PRDM16: variants seen among roughly 807,000 people sequenced by gnomAD.
PRDM16 encodes the protein PR/SET domain 16, also known as histone-lysine N-methyltransferase PRDM16.
A neutral mutation model predicts 110.6 loss-of-function variants in PRDM16; 23 were observed. The observed-to-expected ratio is 0.21, with a 90% confidence interval of 0.15 to 0.29. The LOEUF is 0.29. PRDM16 is among the 10% of genes least tolerant of loss of function. The pLI, the probability that PRDM16 is intolerant of heterozygous loss-of-function variation, is 1.00. For missense variants in PRDM16, 1,615 were observed against 1,794.3 expected (o/e 0.90, Z 1.81); for synonymous variants, 799 against 781.8 (o/e 1.02, Z -0.37).
At chr1:3,183,043 T>C (rs10909891) in intron 1 of PRDM16, among the ~76,000 whole-genome samples, 2,139 of 152,336 alleles carry the variant, frequency 0.014, 48 homozygotes, top group African/African-American at 0.049. Flanking sequence ...AAATAAAGGA[T>C]GTCAGGTCTC....
intron 15 of PRDM16, 134 bp downstream of exon 15, chr1:3,431,242 C>T: frequency 7.2e-7 from 1 of 1,388,358 alleles, no homozygotes; most frequent in Non-Finnish European, 9.6e-7. Context: ...CACCTCAGGG[C>T]CTCCACACAC....
rs930420162 is a variant in PRDM16, at chr1:3,201,868, C to A, written c.387+15394C>A. ...AGAGCCTGCGGCTTCCCAGATCCCACATGAGCTTAGGCGCTGACTCCACCT... is the reference window on the plus strand; with the variant it reads ...AGAGCCTGCGGCTTCCCAGATCCCAAATGAGCTTAGGCGCTGACTCCACCT... On this transcript the variant is annotated intron_variant, in intron 2 of 16. Transcript: ENST00000270722. The surrounding 1 kb of genome is among the most constrained non-coding windows in gnomAD (Gnocchi z 4.1). Among the ~76,000 whole-genome samples, 1 of 152,264 alleles carries A rather than the reference C, an allele frequency of 6.6e-6. No homozygotes were observed. Among genetic ancestry groups the A allele is most frequent in the Non-Finnish European group, 1.5e-5 (1 of 68,048 alleles).
chr1:3,298,387 G>A (rs1264311123), intron 3 of PRDM16, among the ~76,000 whole-genome samples: 14 of 152,358 alleles, frequency 9.2e-5, no homozygotes, highest in African/African-American at 2.6e-4. Context: ...GGAGGGAAGC[G>A]CTGCAGGGCT....
intron 3 of PRDM16, among the ~76,000 whole-genome samples, chr1:3,365,943 CGCACACGCAT>C (rs1339254818): frequency 1.1e-5 from 1 of 91,738 alleles, no homozygotes; most frequent in African/African-American, 6.8e-5. Flanking sequence ...TGCACACAAA[CGCACACGCAT>C]GCACACATGC....
At chr1:3,182,271 G>A (rs530186947) in intron 1 of PRDM16, among the ~76,000 whole-genome samples, 4 of 152,346 alleles carry the variant, frequency 2.6e-5, no homozygotes, top group East Asian at 1.9e-4. Context: ...ACACAGAGCC[G>A]CTCGGCGCTC....
intron 3 of PRDM16, among the ~76,000 whole-genome samples, chr1:3,261,907 A>G (rs989183942): frequency 6.6e-6 from 1 of 152,204 alleles, no homozygotes; most frequent in Admixed American, 6.5e-5. Context: ...ATGAGGCAAT[A>G]GGAAGAGAAA....
intron 1 of PRDM16, among the ~76,000 whole-genome samples, chr1:3,150,902 G>C (rs181729657): frequency 0.041 from 4,879 of 118,388 alleles, 177 homozygotes; most frequent in East Asian, 0.17. Flanking sequence ...ATGGAAACGG[G>C]GGGGCTGGTC....
At chr1:3,398,209 T>C (rs965397760) in intron 5 of PRDM16, among the ~76,000 whole-genome samples, 7 of 152,210 alleles carry the variant, frequency 4.6e-5, no homozygotes, top group African/African-American at 1.7e-4. Flanking sequence ...GAAATTTCTT[T>C]CTTCCAAAAG....
chr1:3,098,964 C>T (rs1462500704), intron 1 of PRDM16, among the ~76,000 whole-genome samples: 1 of 152,224 alleles, frequency 6.6e-6, no homozygotes, highest in African/African-American at 2.4e-5. Flanking sequence ...TGAGCGGCCT[C>T]ACTGAGGAGG....
intron 1 of PRDM16, among the ~76,000 whole-genome samples, chr1:3,079,529 C>T (rs979814884): frequency 6.6e-6 from 1 of 152,210 alleles, no homozygotes; most frequent in South Asian, 2.1e-4. Flanking sequence ...AGCAGCAAGC[C>T]GCATGGAGCG....
intron 12 of PRDM16, among the ~76,000 whole-genome samples, chr1:3,422,296 C>A (rs1638461881): frequency 6.7e-6 from 1 of 149,346 alleles, no homozygotes; most frequent in Non-Finnish European, 1.5e-5. Flanking sequence ...GACAGGCAGG[C>A]AGACAGACAG....
intron 3 of PRDM16, among the ~76,000 whole-genome samples, chr1:3,342,148 C>T (rs962864355): frequency 3.9e-5 from 6 of 152,192 alleles, no homozygotes; most frequent in African/African-American, 1.4e-4. Flanking sequence ...CGTGGCTCAC[C>T]TGTGCCACCA....
At chr1:3,180,530 G>A (rs997536306) in intron 1 of PRDM16, among the ~76,000 whole-genome samples, 3 of 152,130 alleles carry the variant, frequency 2.0e-5, no homozygotes, top group Non-Finnish European at 4.4e-5. Context: ...GGGTGGGACC[G>A]AGTCCCCACA....
At chr1:3,232,873 C>T (rs559571851) in intron 2 of PRDM16, among the ~76,000 whole-genome samples, 11 of 152,246 alleles carry the variant, frequency 7.2e-5, no homozygotes, top group Middle Eastern at 6.8e-3. Context: ...GGCTTTCAAA[C>T]GCACATGTGA....
At chr1:3,301,328 A>T (rs1453121692) in intron 3 of PRDM16, among the ~76,000 whole-genome samples, 1 of 80,622 alleles carries the variant, frequency 1.2e-5, no homozygotes, top group African/African-American at 6.2e-5. Context: ...GCAAGATCCC[A>T]TCTCAAAAAA....
At chr1:3,225,463 G>A (rs944654751) in intron 2 of PRDM16, among the ~76,000 whole-genome samples, 7 of 152,120 alleles carry the variant, frequency 4.6e-5, no homozygotes, top group African/African-American at 7.2e-5. Flanking sequence ...AGCACGGCGC[G>A]TGGACACCAC....
At chr1:3,156,470 C>A (rs1156521111) in intron 1 of PRDM16, among the ~76,000 whole-genome samples, 2 of 152,124 alleles carry the variant, frequency 1.3e-5, no homozygotes, top group Non-Finnish European at 1.5e-5. Flanking sequence ...AAGGATGGAC[C>A]CAAAGCCAAA....
rs140318767 is a variant in PRDM16, at chr1:3,205,079, C to T, written c.387+18605C>T. 2.9e-3 allele frequency among the ~76,000 whole-genome samples: 448 copies of T among 151,954 alleles called. 2 individuals are homozygous for T. Among genetic ancestry groups the T allele is most frequent in the African/African-American group, 0.01 (424 of 41,408 alleles). ...CCATTCACTGCCCGTGAAAGGCTCC[C>T]GTCCCCTTCCCGGGAAGGGTGGGCA... On this transcript the variant is annotated intron_variant, in intron 2 of 16. Transcript: ENST00000270722.
intron 1 of PRDM16, among the ~76,000 whole-genome samples, chr1:3,107,448 G>A (rs1047443465): frequency 6.6e-6 from 1 of 152,186 alleles, no homozygotes; most frequent in Admixed American, 6.5e-5. Flanking sequence ...GTTCCTTGGT[G>A]TCAGTCTGCA....
Sources: allele counts gnomAD v4.1 joint callset (sites outside exome capture counted in the v4.1 genomes callset), GRCh38; gene constraint gnomAD v4.1.1; non-coding constraint Gnocchi (gnomAD v3.1); transcripts MANE v1.5; gene names NCBI Gene and HGNC (gene_info 2026-07-23, HGNC 2026-07-21).